The following NUBPL variants were observed in gnomAD, a reference collection of about 807,000 sequenced individuals.
NUBPL encodes the protein iron-sulfur cluster transfer protein NUBPL.
In NUBPL, 31 loss-of-function variants were observed where a neutral mutation model predicts 45.7. That is an observed-to-expected ratio of 0.68 (90% CI 0.51 to 0.92). The LOEUF is 0.92. Among genes scored for constraint, NUBPL ranks in the 40% least tolerant of loss-of-function variants. The pLI is 0.00. For synonymous variants in NUBPL, 144 were observed against 140.9 expected, an observed-to-expected ratio of 1.02 and a Z score of -0.15; for missense variants, 401 against 398.7, an observed-to-expected ratio of 1.01 and a Z score of -0.05.
chr14:31,795,134 G>A (rs2039458783), intron 7 of NUBPL, among the ~76,000 whole-genome samples: 1 of 149,532 alleles, frequency 6.7e-6, no homozygotes, highest in South Asian at 2.1e-4. Flanking sequence ...GGTTACTGTA[G>A]CCTTGTAGTA....
chr14:31,561,561 C>T lies in NUBPL; in HGVS notation c.108+14C>T, dbSNP rs367612784. On this transcript the variant is annotated intron_variant, in intron 1 of 10. Coordinates refer to ENST00000281081, the MANE Select transcript of NUBPL (RefSeq NM_025152.3). ...TGTGGGCGCCAGGTCCGTGGTGCTG[C>T]AGGGCAGGGGGAAGCGGGCTGACAG... The T allele has an allele frequency of 9.5e-6, 13 of 1,364,740 alleles. No individual in the cohort carries two copies. The highest frequency in any genetic ancestry group is 2.1e-5 in the South Asian group (1 of 48,614). 84.5% of individuals were successfully genotyped at this position (1,364,740 alleles called of 1,614,324 possible).
chr14:31,827,402 G>C (rs1595685235), intron 8 of NUBPL, among the ~76,000 whole-genome samples: 1 of 150,946 alleles, frequency 6.6e-6, no homozygotes, highest in East Asian at 1.9e-4. Flanking sequence ...AGACCAGAGA[G>C]AAATATCTTC....
intron 4 of NUBPL, among the ~76,000 whole-genome samples, chr14:31,652,362 G>T (rs1206780856): frequency 2.0e-5 from 3 of 152,132 alleles, no homozygotes; most frequent in Non-Finnish European, 1.5e-5. Context: ...ATAAGTTGAG[G>T]AGAGCCATTG....
intron 10 of NUBPL, among the ~76,000 whole-genome samples, chr14:31,851,801 A>G (rs564862217): frequency 1.3e-5 from 2 of 152,348 alleles, no homozygotes; most frequent in South Asian, 4.1e-4. Flanking sequence ...GACTATAAAG[A>G]CATTTCACAG....
chr14:31,581,388 C>T (rs199757024), intron 3 of NUBPL, among the ~76,000 whole-genome samples: 5 of 151,994 alleles, frequency 3.3e-5, no homozygotes, highest in African/African-American at 9.7e-5. Flanking sequence ...AATAATTCCC[C>T]GTTTTCTCCT....
intron 4 of NUBPL, chr14:31,662,278 TA>T (rs1184189908): frequency 6.7e-5 from 10 of 149,980 alleles, no homozygotes; most frequent in Non-Finnish European, 1.3e-4. Flanking sequence ...TTAATATTTA[TA>T]TTTATTTTAT....
At chr14:31,792,604 A>C (rs1171445640) in intron 7 of NUBPL, among the ~76,000 whole-genome samples, 1 of 152,182 alleles carries the variant, frequency 6.6e-6, no homozygotes, top group Non-Finnish European at 1.5e-5. Flanking sequence ...ATGGATAACA[A>C]TGAAAGACTA....
intron 4 of NUBPL, among the ~76,000 whole-genome samples, chr14:31,632,930 A>G (rs1056431248): frequency 4.6e-5 from 7 of 152,226 alleles, no homozygotes; most frequent in African/African-American, 1.4e-4. Context: ...GTTAATCTAT[A>G]TTTTACATAT....
At chr14:31,803,455 A>G (rs1246193814) in intron 7 of NUBPL, among the ~76,000 whole-genome samples, 2 of 123,602 alleles carry the variant, frequency 1.6e-5, no homozygotes, top group Admixed American at 8.5e-5. Context: ...GTAATTTATA[A>G]TGACCTCAAA....
intron 6 of NUBPL, among the ~76,000 whole-genome samples, chr14:31,716,386 G>A (rs7146089): frequency 1 from 151,688 of 152,314 alleles, 75,534 homozygotes; most frequent in Middle Eastern, 1. Context: ...ACACTTTTAT[G>A]TGACTGGCAG....
At chr14:31,724,009 G>C (rs2163301) in intron 6 of NUBPL, among the ~76,000 whole-genome samples, 137,174 of 152,232 alleles carry the variant, frequency 0.9, 62,049 homozygotes, top group East Asian at 0.99. Context: ...AGAGGGCATC[G>C]TTGTGCCAGT....
rs576520205 is a variant in NUBPL at position 31,859,537 on chromosome 14, C to G, written c.*357C>G. ...CAGAATTAGTAATTTAAATGATATA[C>G]TAAATTTGTGTATGGGCATAAGTAT... On this transcript the variant is annotated 3_prime_UTR_variant, in exon 11 of 11. Coordinates refer to ENST00000281081, the MANE Select transcript of NUBPL (RefSeq NM_025152.3). The G allele has an allele frequency of 3.0e-4, 104 of 345,914 alleles. No individual in the cohort carries two copies. The highest frequency in any genetic ancestry group is 1.0e-3 in the Middle Eastern group (1 of 992). The allele number at this position is 345,914 out of a possible 1,614,324, so 21.4% of individuals were successfully genotyped here.
intron 4 of NUBPL, among the ~76,000 whole-genome samples, chr14:31,634,293 G>C (rs1333127307): frequency 7.7e-6 from 1 of 130,176 alleles, no homozygotes; most frequent in African/African-American, 3.0e-5. Flanking sequence ...CTGTGTCCAT[G>C]TGTTCTCATT....
intron 4 of NUBPL, among the ~76,000 whole-genome samples, chr14:31,606,133 G>A (rs1305100120): frequency 4.6e-5 from 5 of 109,816 alleles, no homozygotes; most frequent in Non-Finnish European, 7.0e-5. Context: ...TCACTCTGTT[G>A]CCCAGGCTGG....
At chr14:31,754,969 A>T (rs1446012736) in intron 6 of NUBPL, among the ~76,000 whole-genome samples, 1 of 150,054 alleles carries the variant, frequency 6.7e-6, no homozygotes, top group African/African-American at 2.5e-5. Context: ...TGTCCTTGCG[A>T]TAGTTTACTG....
intron 4 of NUBPL, among the ~76,000 whole-genome samples, chr14:31,621,906 A>T (rs1296756524): frequency 6.6e-6 from 1 of 152,206 alleles, no homozygotes; most frequent in Non-Finnish European, 1.5e-5. Flanking sequence ...ACTGGGTAAC[A>T]TGCAGAGGTT....
intron 6 of NUBPL, among the ~76,000 whole-genome samples, chr14:31,675,850 A>G (rs1389201309): frequency 6.6e-6 from 1 of 152,208 alleles, no homozygotes; most frequent in Non-Finnish European, 1.5e-5. Flanking sequence ...ATAAATATAT[A>G]TACCTATGTA....
At chr14:31,660,366 G>A (rs906418705) in intron 4 of NUBPL, among the ~76,000 whole-genome samples, 1 of 152,110 alleles carries the variant, frequency 6.6e-6, no homozygotes, top group Non-Finnish European at 1.5e-5. Context: ...GAACAATTAT[G>A]CATGTGACTC....
chr14:31,618,025 T>G (rs556926494), intron 4 of NUBPL, among the ~76,000 whole-genome samples: 1 of 152,322 alleles, frequency 6.6e-6, no homozygotes, highest in South Asian at 2.1e-4. Context: ...GTCCAGGAAT[T>G]TATCCATTTC....
Sources: allele counts gnomAD v4.1 joint callset (sites outside exome capture counted in the v4.1 genomes callset), GRCh38; gene constraint gnomAD v4.1.1; transcripts MANE v1.5; gene names NCBI Gene and HGNC (gene_info 2026-07-23, HGNC 2026-07-21).